The following PATJ variants were observed in gnomAD, a reference collection of about 807,000 sequenced individuals.
The protein encoded by PATJ is inaD-like protein.
PATJ carries 190 observed loss-of-function variants against 224.9 expected under a neutral mutation model. That is an observed-to-expected ratio of 0.84 (90% CI 0.75 to 0.95). The LOEUF is 0.95. PATJ is among the 40% of genes least tolerant of loss of function. PATJ has a pLI of 0.00. For missense variants in PATJ, 2,121 were observed against 2,270.3 expected (o/e 0.93, Z 1.34); for synonymous variants, 769 against 820.3 (o/e 0.94, Z 1.07).
intron 24 of PATJ, among the ~76,000 whole-genome samples, chr1:61,907,775 A>G (rs977305682): frequency 2.0e-5 from 3 of 152,170 alleles, no homozygotes; most frequent in African/African-American, 7.2e-5. Context: ...GCTCTTGGAG[A>G]TTTATGGGCA....
At chr1:61,831,848 T>G (rs1160717646) in intron 16 of PATJ, among the ~76,000 whole-genome samples, 1 of 152,216 alleles carries the variant, frequency 6.6e-6, no homozygotes, top group East Asian at 1.9e-4. Flanking sequence ...CAGAGGAATA[T>G]AAATTGTTTT....
chr1:61,841,283 GATTTGAGA>G (rs1484610704), intron 17 of PATJ, among the ~76,000 whole-genome samples: 1 of 152,080 alleles, frequency 6.6e-6, no homozygotes, highest in Non-Finnish European at 1.5e-5. Context: ...TTTACCAAGA[GATTTGAGA>G]ATTTGAGTAA....
At chr1:61,752,171 C>T (rs1645372301) in intron 1 of PATJ, among the ~76,000 whole-genome samples, 1 of 150,144 alleles carries the variant, frequency 6.7e-6, no homozygotes, top group Non-Finnish European at 1.5e-5. Context: ...TACCATATAG[C>T]AGTTTAACTT....
chr1:61,805,127 T>C lies in PATJ; in HGVS notation c.1550-321T>C, dbSNP rs75704827. Among the ~76,000 whole-genome samples, 898 of 152,340 alleles carry C rather than the reference T, an allele frequency of 5.9e-3. 7 individuals are homozygous for C. The highest frequency in any genetic ancestry group is 0.021 in the African/African-American group (864 of 41,586). On this transcript the variant is annotated intron_variant, in intron 12 of 43. Coordinates refer to ENST00000642238, the MANE Select transcript of PATJ (RefSeq NM_001350145.3). ...AGCCACATGCATTTTACTTGTAAACTATAGGATATTTACATATAAACTGTA... is the reference window on the plus strand; with the variant it reads ...AGCCACATGCATTTTACTTGTAAACCATAGGATATTTACATATAAACTGTA...
At chr1:61,964,078 T>TTCCCTCCC (rs537427716) in intron 27 of PATJ, among the ~76,000 whole-genome samples, 5 of 151,902 alleles carry the variant, frequency 3.3e-5, no homozygotes, top group South Asian at 2.1e-4. Flanking sequence ...TCCTTCCTTC[T>TTCCCTCCC]TCCCTCCCTC....
At position 62,125,745 on chromosome 1, in the gene PATJ, A is replaced by G. The variant is rs561344334; in HGVS notation, c.5044-2227A>G. ...AGCCTGCTCCTACCTACCCTATTCT[A>G]CCACACGTGATCCAAGCATAAATTT... On this transcript the variant is annotated intron_variant, in intron 39 of 43. Transcript: ENST00000642238. 3.9e-5 allele frequency among the ~76,000 whole-genome samples: 6 copies of G among 151,954 alleles called. No homozygotes were observed. The South Asian group carries it at 6.2e-4, about 16-fold the overall frequency.
chr1:61,880,164 A>G (rs1487553479), intron 21 of PATJ, among the ~76,000 whole-genome samples: 1 of 152,000 alleles, frequency 6.6e-6, no homozygotes, highest in African/African-American at 2.4e-5. Context: ...CTGTTGCCTT[A>G]TTTTCCTTCT....
intron 27 of PATJ, among the ~76,000 whole-genome samples, chr1:61,981,932 G>C (rs958427563): frequency 1.3e-5 from 2 of 152,072 alleles, no homozygotes; most frequent in Non-Finnish European, 2.9e-5. Flanking sequence ...GCCTCCCAAA[G>C]TGCTGGGGTA....
rs1455167792 is a variant in PATJ, at chr1:62,086,598, T to C, written c.4377+1950T>C. ...TTTTTTTCCACATTGGGCAGTAATG[T>C]AACATTTTTGTGGTAGTACTGTTGG... On this transcript the variant is annotated intron_variant, in intron 33 of 43. Coordinates refer to ENST00000642238, the MANE Select transcript of PATJ (RefSeq NM_001350145.3). This position sits in a 1 kb window ranked among gnomAD's most constrained non-coding sequence, Gnocchi z 4.0. 6.6e-6 allele frequency among the ~76,000 whole-genome samples: 1 copy of C among 152,210 alleles called. No individual in the cohort carries two copies. The highest frequency in any genetic ancestry group is 1.5e-5 in the Non-Finnish European group (1 of 68,032).
chr1:61,927,774 T>A lies in PATJ; in HGVS notation c.3615T>A (p.Tyr1205Ter), dbSNP rs1298434797. The A allele has an allele frequency of 6.2e-7, 1 of 1,613,652 alleles. No homozygotes were observed. The highest frequency in any genetic ancestry group is 1.7e-5 in the Admixed American group (1 of 59,938). Residue 1205 changes from tyrosine (Y) to a stop codon, truncating the protein, a stop_gained, in exon 27 of 44, where the codon TAT (tyrosine) becomes TAA (stop). Coordinates refer to ENST00000642238, the MANE Select transcript of PATJ (RefSeq NM_001350145.3). LOFTEE classifies it high-confidence loss of function. ...APPPMKLPPP[Y>*]KALTDDSDEN... ...CGCCAATGAAACTTCCTCCTCCTTA[T>A]AAAGCTCTGACTGATGACAGTGATG...
intron 31 of PATJ, 118 bp from the exon 32 acceptor site, chr1:62,079,332 T>G: frequency 1.5e-6 from 1 of 649,302 alleles, no homozygotes; most frequent in Non-Finnish European, 2.8e-6. Flanking sequence ...CAACCTTATA[T>G]TCTCAAAAGA....
At chr1:61,761,343 A>G (rs1369177486) in intron 1 of PATJ, among the ~76,000 whole-genome samples, 1 of 152,168 alleles carries the variant, frequency 6.6e-6, no homozygotes, top group Non-Finnish European at 1.5e-5. Flanking sequence ...CAATGTGTCC[A>G]TCACTCCAAA....
At chr1:62,000,827 G>A (rs1358595184) in intron 28 of PATJ, among the ~76,000 whole-genome samples, 1 of 151,190 alleles carries the variant, frequency 6.6e-6, no homozygotes, top group Admixed American at 6.6e-5. Flanking sequence ...GTGTAAAAGT[G>A]TTCCTATTTC....
At chr1:61,910,491 C>T (rs921655888) in intron 25 of PATJ, among the ~76,000 whole-genome samples, 3 of 147,358 alleles carry the variant, frequency 2.0e-5, no homozygotes, top group African/African-American at 7.4e-5. Flanking sequence ...TTACCATGTC[C>T]ATGACTTGTT....
At chr1:62,096,769 C>G (rs1661444915) in intron 33 of PATJ, among the ~76,000 whole-genome samples, 1 of 152,134 alleles carries the variant, frequency 6.6e-6, no homozygotes, top group Non-Finnish European at 1.5e-5. Flanking sequence ...GCACCCACCA[C>G]CACACCCAGC....
At chr1:62,064,672 G>A (rs1656105362) in intron 31 of PATJ, among the ~76,000 whole-genome samples, 1 of 152,168 alleles carries the variant, frequency 6.6e-6, no homozygotes, top group Non-Finnish European at 1.5e-5. Context: ...TGAAAAAACA[G>A]CTTAAAATGT....
At chr1:62,059,552 G>A (rs912714742) in intron 31 of PATJ, among the ~76,000 whole-genome samples, 100 of 152,184 alleles carry the variant, frequency 6.6e-4, no homozygotes, top group African/African-American at 2.0e-3. Flanking sequence ...GGGAGACGGA[G>A]GTTGCAATGA....
intron 28 of PATJ, among the ~76,000 whole-genome samples, chr1:61,997,690 G>T (rs1027154309): frequency 6.6e-6 from 1 of 151,872 alleles, no homozygotes; most frequent in African/African-American, 2.4e-5. Flanking sequence ...AAAGATTAAT[G>T]CAATTTATCC....
chr1:61,801,776 A>C lies in PATJ; in HGVS notation c.1549+7A>C, dbSNP rs560758266. ...CAAGCCTTAGAAAAATTGGGTAGGC[A>C]CAAAGCATTCACTTTGCGATAACAG... On this transcript the variant is annotated splice_region_variant and intron_variant, in intron 12 of 43. Transcript: ENST00000642238. 199 of 1,549,712 alleles carry C rather than the reference A, an allele frequency of 1.3e-4. No individual in the cohort carries two copies. In the East Asian group the frequency reaches 2.6e-3, roughly 20 times the overall value.
Sources: allele counts gnomAD v4.1 joint callset (sites outside exome capture counted in the v4.1 genomes callset), GRCh38; gene constraint gnomAD v4.1.1; non-coding constraint Gnocchi (gnomAD v3.1); transcripts MANE v1.5; gene names NCBI Gene and HGNC (gene_info 2026-07-23, HGNC 2026-07-21).